DACH1: variants seen among roughly 807,000 people sequenced by gnomAD.
DACH1 encodes the protein dachshund family transcription factor 1.
DACH1 carries 12 observed loss-of-function variants against 54.2 expected under a neutral mutation model. The observed-to-expected ratio is 0.22, with a 90% CI of 0.14 to 0.36. DACH1 has a LOEUF of 0.36. Ranked by LOEUF, DACH1 falls within the 10% of genes least tolerant of loss-of-function variation. The pLI is 1.00. For synonymous variants in DACH1, 386 were observed against 366.2 expected (o/e 1.05, Z -0.62); for missense variants, 805 against 929.8 (o/e 0.87, Z 1.75).
chr13:71,659,891 A>T (rs954756409), intron 2 of DACH1, among the ~76,000 whole-genome samples: 2 of 152,104 alleles, frequency 1.3e-5, no homozygotes, highest in Non-Finnish European at 2.9e-5. Flanking sequence ...TTAGATGTTC[A>T]TGTTTCTAAC....
In DACH1 at chr13:71,707,163, C is replaced by T. The variant is rs557094605; in HGVS notation, c.849-25253G>A. 2.6e-5 allele frequency among the ~76,000 whole-genome samples: 4 copies of T among 152,274 alleles called. No homozygotes were observed. The South Asian group carries it at 8.3e-4, about 32-fold the overall frequency. ...ACTTGCAAGCTCTTGGGGTGACAGGCACATACATACACATGCAGTAAGCAT... is the reference window on the plus strand; with the variant it reads ...ACTTGCAAGCTCTTGGGGTGACAGGTACATACATACACATGCAGTAAGCAT... On this transcript the variant is annotated intron_variant, in intron 1 of 10. Transcript: ENST00000613252.
intron 10 of DACH1, among the ~76,000 whole-genome samples, chr13:71,459,060 A>G (rs1661014698): frequency 6.6e-6 from 1 of 151,894 alleles, no homozygotes; most frequent in South Asian, 2.1e-4. Context: ...GCCAAAGTTC[A>G]TTCCACGAAA....
intron 1 of DACH1, among the ~76,000 whole-genome samples, chr13:71,691,143 G>C (rs1202420976): frequency 6.6e-6 from 1 of 152,208 alleles, no homozygotes; most frequent in Middle Eastern, 3.4e-3. Context: ...CAGTGGAAAT[G>C]GTCGACCATC....
intron 6 of DACH1, among the ~76,000 whole-genome samples, chr13:71,515,419 A>C (rs1256752144): frequency 6.6e-6 from 1 of 151,954 alleles, no homozygotes; most frequent in Non-Finnish European, 1.5e-5. Context: ...TTGTGATAAC[A>C]TGTTAAAATT....
At chr13:71,573,173 T>A (rs1477271707) in intron 3 of DACH1, among the ~76,000 whole-genome samples, 161 bp from the exon 4 acceptor site, 2 of 152,194 alleles carry the variant, frequency 1.3e-5, no homozygotes, top group Non-Finnish European at 2.9e-5. Flanking sequence ...GGCTTACAGC[T>A]ATCTGGTTTG....
At chr13:71,488,966 T>A (rs1229853707) in intron 7 of DACH1, 31 bp downstream of exon 7, 1 of 1,600,192 alleles carries the variant, frequency 6.2e-7, no homozygotes, top group Non-Finnish European at 8.5e-7. Flanking sequence ...GTGTTCCATA[T>A]GTCTTTCTTC....
At chr13:71,773,563 G>A (rs1885946122) in intron 1 of DACH1, among the ~76,000 whole-genome samples, 1 of 151,876 alleles carries the variant, frequency 6.6e-6, no homozygotes, top group African/African-American at 2.4e-5. Context: ...TTGGCCCCAA[G>A]ACTTTTAATC....
intron 1 of DACH1, among the ~76,000 whole-genome samples, chr13:71,820,119 A>T: frequency 6.6e-6 from 1 of 151,274 alleles, no homozygotes; most frequent in Non-Finnish European, 1.5e-5. Context: ...AAAAAAAAAA[A>T]AAAAAAAAAG....
intron 1 of DACH1, among the ~76,000 whole-genome samples, chr13:71,758,556 T>A (rs955753550): frequency 3.3e-5 from 5 of 152,214 alleles, no homozygotes; most frequent in African/African-American, 1.2e-4. Flanking sequence ...TATTTTTTTA[T>A]GGAGGAATAC....
intron 10 of DACH1, among the ~76,000 whole-genome samples, chr13:71,469,203 T>A (rs1306877309): frequency 6.6e-6 from 1 of 152,148 alleles, no homozygotes; most frequent in Non-Finnish European, 1.5e-5. Context: ...GCCTTTAAAT[T>A]AGAATACACA....
intron 10 of DACH1, among the ~76,000 whole-genome samples, chr13:71,469,016 G>C (rs967507906): frequency 6.6e-6 from 1 of 152,168 alleles, no homozygotes; most frequent in African/African-American, 2.4e-5. Context: ...TGAGTGATGT[G>C]GTTGGGAGTG....
At chr13:71,804,307 T>G (rs1396223769) in intron 1 of DACH1, among the ~76,000 whole-genome samples, 1 of 152,118 alleles carries the variant, frequency 6.6e-6, no homozygotes, top group Non-Finnish European at 1.5e-5. Context: ...GGTGAGACCT[T>G]GTCTCAGAGA....
intron 3 of DACH1, among the ~76,000 whole-genome samples, chr13:71,621,417 A>G (rs1263274435): frequency 6.6e-6 from 1 of 152,106 alleles, no homozygotes; most frequent in Non-Finnish European, 1.5e-5. Context: ...CTGGGATGAC[A>G]GCTGGTACAG....
At chr13:71,851,595 C>A (rs1205029776) in intron 1 of DACH1, among the ~76,000 whole-genome samples, 1 of 151,910 alleles carries the variant, frequency 6.6e-6, no homozygotes, top group Non-Finnish European at 1.5e-5. Context: ...AATCATTCAC[C>A]CTTTGGACTT....
At chr13:71,740,213 C>T (rs192847970) in intron 1 of DACH1, among the ~76,000 whole-genome samples, 42 of 152,194 alleles carry the variant, frequency 2.8e-4, no homozygotes, top group Non-Finnish European at 4.4e-5. Context: ...GCACATCTGG[C>T]ATATCTTCTT....
chr13:71,708,028 A>T (rs1882529117), intron 1 of DACH1, among the ~76,000 whole-genome samples: 1 of 152,080 alleles, frequency 6.6e-6, no homozygotes, highest in Non-Finnish European at 1.5e-5. Flanking sequence ...TTTTCTCCAA[A>T]GGCTAGTAAT....
At chr13:71,739,697 G>A (rs981373550) in intron 1 of DACH1, among the ~76,000 whole-genome samples, 9 of 152,250 alleles carry the variant, frequency 5.9e-5, no homozygotes, top group Non-Finnish European at 8.8e-5. Flanking sequence ...TTTTGCAGCT[G>A]TTACTTGACT....
At chr13:71,467,964 A>G (rs1348889625) in intron 10 of DACH1, among the ~76,000 whole-genome samples, 1 of 152,258 alleles carries the variant, frequency 6.6e-6, no homozygotes, top group East Asian at 1.9e-4. Flanking sequence ...AAACAGTTTT[A>G]GTCCTGATTT....
chr13:71,568,533 G>T (rs1307809376), intron 4 of DACH1, among the ~76,000 whole-genome samples: 1 of 151,958 alleles, frequency 6.6e-6, no homozygotes, highest in African/African-American at 2.4e-5. Flanking sequence ...ATATTGAAAT[G>T]GCTAGAACCT....
Sources: gnomAD v4.1 joint callset for allele counts (sites outside exome capture counted in the v4.1 genomes callset) on GRCh38, gnomAD v4.1.1 for gene constraint, MANE v1.5 for transcripts, NCBI Gene and HGNC (gene_info 2026-07-23, HGNC 2026-07-21) for gene names.